PDE1C: variants seen among roughly 807,000 people sequenced by gnomAD.
PDE1C encodes the protein phosphodiesterase 1C, also known as dual specificity calcium/calmodulin-dependent 3',5'-cyclic nucleotide phosphodiesterase 1C.
In PDE1C, 62 loss-of-function variants were observed where a neutral mutation model predicts 93.1. The ratio of observed to expected loss-of-function variants is 0.67; its 90% confidence interval spans 0.54 to 0.82. The LOEUF (loss-of-function observed/expected upper bound fraction) is 0.82. Ranked by LOEUF, PDE1C falls within the 40% of genes least tolerant of loss-of-function variation. The pLI is 0.00. For missense variants in PDE1C, 742 were observed against 884.6 expected (o/e 0.84, Z 2.04); for synonymous variants, 325 against 310.1 (o/e 1.05, Z -0.50).
intron 1 of PDE1C, among the ~76,000 whole-genome samples, chr7:32,053,257 C>T (rs1793622048): frequency 6.6e-6 from 1 of 152,210 alleles, no homozygotes; most frequent in South Asian, 2.1e-4. Context: ...TTCACCTGAA[C>T]ATCAGCTCCC....
intron 1 of PDE1C, among the ~76,000 whole-genome samples, chr7:32,215,269 G>T (rs984554141): frequency 6.6e-6 from 1 of 152,128 alleles, no homozygotes; most frequent in Admixed American, 6.5e-5. Flanking sequence ...AGGGATCTAG[G>T]CTGCATGTGC....
At chr7:32,363,819 T>C (rs1784182480) in intron 1 of PDE1C, among the ~76,000 whole-genome samples, 1 of 152,216 alleles carries the variant, frequency 6.6e-6, no homozygotes, top group Non-Finnish European at 1.5e-5. Context: ...TAAAAATCTA[T>C]TTTTCTTGAA....
At chr7:31,914,953 C>T (rs551306601) in intron 2 of PDE1C, among the ~76,000 whole-genome samples, 2 of 152,312 alleles carry the variant, frequency 1.3e-5, no homozygotes, top group South Asian at 2.1e-4. Flanking sequence ...CCAATATCTC[C>T]ATTTCGTCTA....
the PDE1C span, among the ~76,000 whole-genome samples, chr7:31,676,024 G>T: frequency 6.6e-6 from 1 of 152,232 alleles, no homozygotes; most frequent in East Asian, 1.9e-4. Context: ...ACATGTTAAT[G>T]CCTTGTTAAT....
At chr7:32,253,283 G>A (rs7799116) in intron 1 of PDE1C, among the ~76,000 whole-genome samples, 147,403 of 152,318 alleles carry the variant, frequency 0.97, 71,534 homozygotes, top group East Asian at 1. Flanking sequence ...TTATTTAAAC[G>A]CAGTCCTTAT....
At chr7:32,341,416 C>A (rs1232390276) in intron 1 of PDE1C, among the ~76,000 whole-genome samples, 3 of 151,018 alleles carry the variant, frequency 2.0e-5, no homozygotes, top group African/African-American at 7.3e-5. Context: ...ACCTCGTGAT[C>A]CGCCCACCTC....
At chr7:31,919,437 A>G (rs1802337330) in intron 2 of PDE1C, among the ~76,000 whole-genome samples, 2 of 152,212 alleles carry the variant, frequency 1.3e-5, no homozygotes, top group Admixed American at 6.5e-5. Flanking sequence ...AAAACTTGTT[A>G]AGTACTTAGA....
intron 2 of PDE1C, among the ~76,000 whole-genome samples, chr7:32,199,680 C>G (rs1804869751): frequency 6.6e-6 from 1 of 152,070 alleles, no homozygotes; most frequent in Non-Finnish European, 1.5e-5. Context: ...TTGTTCCTTT[C>G]TTAGAGTTTC....
At chr7:31,978,930 A>T (rs1812025757) in intron 2 of PDE1C, among the ~76,000 whole-genome samples, 1 of 152,126 alleles carries the variant, frequency 6.6e-6, no homozygotes. Flanking sequence ...CATCATAAAA[A>T]TCTCATTCTC....
At chr7:32,308,647 G>A (rs1272322279) in intron 1 of PDE1C, among the ~76,000 whole-genome samples, 1 of 152,262 alleles carries the variant, frequency 6.6e-6, no homozygotes, top group African/African-American at 2.4e-5. Flanking sequence ...AGGGTCTGGA[G>A]TGGACCCCTA....
chr7:31,750,705 G>A (rs1794103853), downstream of PDE1C, among the ~76,000 whole-genome samples: 1 of 152,220 alleles, frequency 6.6e-6, no homozygotes, highest in Non-Finnish European at 1.5e-5. Context: ...AAACTCCAAA[G>A]TTCCAATTGT....
intron 2 of PDE1C, among the ~76,000 whole-genome samples, chr7:31,888,013 G>A (rs929140888): frequency 1.3e-5 from 2 of 152,032 alleles, no homozygotes; most frequent in African/African-American, 2.4e-5. Context: ...CCAGCACTTT[G>A]GGAGGCCAAG....
chr7:32,387,634 T>G (rs867601796), intron 1 of PDE1C, among the ~76,000 whole-genome samples: 3 of 95,758 alleles, frequency 3.1e-5, no homozygotes, highest in Non-Finnish European at 6.5e-5. Context: ...GGGGGGCTGA[T>G]CCCCCCACCT....
chr7:31,966,515 C>CT (rs555650844), intron 2 of PDE1C, among the ~76,000 whole-genome samples: 9,005 of 152,176 alleles, frequency 0.059, 615 homozygotes, highest in African/African-American at 0.17. Context: ...TAATGGGAGA[C>CT]TTTAACACCC....
intron 17 of PDE1C, among the ~76,000 whole-genome samples, chr7:31,756,265 ATGTGATGAAAATTAATATTT>A (rs1160135988): frequency 1.3e-5 from 2 of 152,244 alleles, no homozygotes; most frequent in African/African-American, 4.8e-5. Flanking sequence ...CACCAGTGGC[ATGTGATGAAAATTAATATTT>A]TGTGATGAAA....
chr7:31,983,953 C>T (rs1377335497), intron 2 of PDE1C, among the ~76,000 whole-genome samples: 1 of 151,942 alleles, frequency 6.6e-6, no homozygotes, highest in Admixed American at 6.6e-5. Context: ...TGGAGTAGGT[C>T]AAAGATGCTG....
upstream of PDE1C, chr7:32,070,624 TC>T: frequency 7.1e-7 from 1 of 1,408,304 alleles, no homozygotes; most frequent in Admixed American, 3.0e-5. Flanking sequence ...CCAGCCATGG[TC>T]CCGGGCTAAT....
intron 2 of PDE1C, among the ~76,000 whole-genome samples, chr7:32,205,707 C>G (rs1805403413): frequency 1.3e-5 from 2 of 152,258 alleles, no homozygotes; most frequent in South Asian, 4.1e-4. Flanking sequence ...TCTGCACTAC[C>G]TTTATGAGCT....
intron 3 of PDE1C, among the ~76,000 whole-genome samples, chr7:32,093,650 A>C (rs1220287437): frequency 1.3e-5 from 2 of 152,234 alleles, no homozygotes; most frequent in Non-Finnish European, 2.9e-5. Context: ...TGTTATCTTT[A>C]CATGACTTTG....
Sources: allele counts gnomAD v4.1 joint callset (sites outside exome capture counted in the v4.1 genomes callset), GRCh38; gene constraint gnomAD v4.1.1; transcripts MANE v1.5; gene names NCBI Gene and HGNC (gene_info 2026-07-23, HGNC 2026-07-21).